CABIN1: variants seen among roughly 807,000 people sequenced by gnomAD.
The protein encoded by CABIN1 is calcineurin-binding protein cabin-1.
CABIN1 carries 133 observed loss-of-function variants against 227.7 expected under a neutral mutation model. The observed-to-expected ratio is 0.58, with a 90% CI of 0.51 to 0.67. The LOEUF is 0.67. CABIN1 is among the 30% of genes least tolerant of loss of function. The probability of loss-of-function intolerance (pLI) is 0.00; values close to 1 mark genes in which losing one functional copy is unlikely to be tolerated. For synonymous variants in CABIN1, 1,086 were observed against 1,155.1 expected (o/e 0.94, Z 1.21); for missense variants, 2,408 against 2,852.5 (o/e 0.84, Z 3.55).
At chr22:24,060,284 C>G in intron 12 of CABIN1, 143 bp downstream of exon 12, 1 of 784,786 alleles carries the variant, frequency 1.3e-6, no homozygotes, top group East Asian at 2.7e-5. Context: ...GGTGTCGAAG[C>G]AGGAAGTCAC....
chr22:24,166,825 C>A lies in CABIN1; in HGVS notation c.5194C>A (p.Pro1732Thr). The A allele has an allele frequency of 6.2e-7, 1 of 1,613,068 alleles. No homozygotes were observed. Among genetic ancestry groups the A allele is most frequent in the Middle Eastern group, 1.6e-4 (1 of 6,062 alleles). The change falls in exon 32 of 37, where the codon CCT (proline) becomes ACT (threonine). Residue 1732 changes from proline (P) to threonine (T), a missense_variant. Coordinates refer to ENST00000263119, the MANE Select transcript of CABIN1 (RefSeq NM_012295.4). The stretch of plus-strand genomic sequence containing the variant: ...CAAAGTGGGCCTCCTCAACCACCGG[C>A]CTGTGGCCATGGATGCAGGAGACAG... Reference protein sequence around the residue: ...GGKVGLLNHRPVAMDAGDSAD... With the variant: ...GGKVGLLNHRTVAMDAGDSAD...
chr22:24,047,258 C>G (rs1340681270), intron 6 of CABIN1, among the ~76,000 whole-genome samples: 2 of 152,164 alleles, frequency 1.3e-5, no homozygotes, highest in African/African-American at 4.8e-5. Context: ...TAAATTGACT[C>G]TCAGTGGCAT....
chr22:24,069,887 G>A (rs1004540064), intron 16 of CABIN1, among the ~76,000 whole-genome samples: 4 of 152,130 alleles, frequency 2.6e-5, no homozygotes, highest in African/African-American at 9.7e-5. Context: ...GGGAGGAGCC[G>A]CTGCCAGGCC....
At chr22:24,083,838 A>G (rs922674224) in intron 20 of CABIN1, among the ~76,000 whole-genome samples, 1 of 152,188 alleles carries the variant, frequency 6.6e-6, no homozygotes. Context: ...GTTTATTTCT[A>G]TTTTGGATAT....
At chr22:24,043,231 G>C (rs2037564895) in intron 6 of CABIN1, 147 bp downstream of exon 6, 1 of 607,978 alleles carries the variant, frequency 1.6e-6, no homozygotes, top group African/African-American at 1.9e-5. Context: ...TTAGATTTCT[G>C]CTTTATTCTG....
At chr22:24,088,599 C>T (rs1286916653) in intron 23 of CABIN1, among the ~76,000 whole-genome samples, 1 of 151,704 alleles carries the variant, frequency 6.6e-6, no homozygotes, top group Non-Finnish European at 1.5e-5. Flanking sequence ...CAGAGTGAGA[C>T]TCTGTCTAAA....
Position 24,172,111 on chromosome 22 carries a change from ATC to A in CABIN1, c.6040+117_6040+118del. The A allele has an allele frequency of 1.2e-5, 15 of 1,299,300 alleles. No individual in the cohort carries two copies. In the South Asian group the frequency reaches 2.0e-4, roughly 17 times the overall value. The allele number at this position is 1,299,300 out of a possible 1,614,324, so 80.5% of individuals were successfully genotyped here. A position where few individuals can be genotyped will look rare whatever the true frequency, so the allele number is the denominator to read the frequency against. On this transcript the variant is annotated intron_variant, in intron 34 of 36. Coordinates refer to ENST00000263119, the MANE Select transcript of CABIN1 (RefSeq NM_012295.4). ...CAAGCAGTGCCCTCCCGCCCAGTCG[ATC>A]CCACAGGGTGGCGGGGCAGGTGACC...
In CABIN1 at chr22:24,082,153, G is replaced by C. The variant is rs1034528109; in HGVS notation, c.2749-1075G>C. 2.1e-5 allele frequency among the ~76,000 whole-genome samples: 3 copies of C among 142,320 alleles called. No homozygotes were observed. In the Admixed American group the frequency reaches 2.2e-4, roughly 11 times the overall value. The allele number at this position is 142,320 out of a possible 152,430, so 93.4% of individuals were successfully genotyped here. ...GCCCATGCTAAGAGTGCAGTGGTAC[G>C]ATCACAGCTCACTGCAGCCTGGACC... On this transcript the variant is annotated intron_variant, in intron 19 of 36. Coordinates refer to ENST00000263119, the MANE Select transcript of CABIN1 (RefSeq NM_012295.4).
chr22:24,049,286 A>G, intron 7 of CABIN1, 66 bp downstream of exon 7: 1 of 1,582,288 alleles, frequency 6.3e-7, no homozygotes, highest in Non-Finnish European at 8.6e-7. Flanking sequence ...GGTCAGGAGC[A>G]CACCACATTC....
At chr22:24,131,590 C>G (rs2044076031) in intron 28 of CABIN1, among the ~76,000 whole-genome samples, 2 of 152,244 alleles carry the variant, frequency 1.3e-5, no homozygotes, top group Non-Finnish European at 2.9e-5. Context: ...TAGGCCCTGA[C>G]TGCCCCAGGT....
chr22:24,057,740 TAGA>T (rs1280461543), intron 10 of CABIN1, among the ~76,000 whole-genome samples: 1 of 152,212 alleles, frequency 6.6e-6, no homozygotes, highest in Non-Finnish European at 1.5e-5. Flanking sequence ...GTGAAATGCT[TAGA>T]AATAATGATT....
At chr22:24,175,779 C>A (rs1009975268) in intron 34 of CABIN1, 4 of 454,444 alleles carry the variant, frequency 8.8e-6, no homozygotes, top group South Asian at 2.2e-5. Flanking sequence ...CACTGCCCCC[C>A]CATCCCCTCT....
intron 26 of CABIN1, among the ~76,000 whole-genome samples, chr22:24,102,700 G>T (rs2042276929): frequency 6.6e-6 from 1 of 152,150 alleles, no homozygotes; most frequent in Non-Finnish European, 1.5e-5. Context: ...TCTCTTGAGG[G>T]GTTGGGGAGA....
chr22:24,090,027 G>T (rs138250649), intron 23 of CABIN1, among the ~76,000 whole-genome samples: 3 of 152,178 alleles, frequency 2.0e-5, no homozygotes, highest in African/African-American at 7.2e-5. Flanking sequence ...TCTGAGGATG[G>T]CAAGGTAGTG....
chr22:24,177,000 C>T (rs2047153739), intron 35 of CABIN1, among the ~76,000 whole-genome samples: 1 of 152,242 alleles, frequency 6.6e-6, no homozygotes, highest in Admixed American at 6.5e-5. Context: ...AGGCCTGCAA[C>T]TGGCCCAGCC....
At chr22:24,168,719 G>C (rs766942833) in intron 33 of CABIN1, among the ~76,000 whole-genome samples, 198 bp downstream of exon 33, 1 of 152,240 alleles carries the variant, frequency 6.6e-6, no homozygotes, top group East Asian at 1.9e-4. Context: ...CCAGACCCCA[G>C]TTCAGACATG....
intron 1 of CABIN1, among the ~76,000 whole-genome samples, chr22:24,027,993 G>T (rs1360725601): frequency 2.0e-5 from 3 of 151,308 alleles, no homozygotes; most frequent in African/African-American, 7.3e-5. Context: ...TGTGGGTTTG[G>T]TTCCAGACCA....
Position 24,177,694 on chromosome 22 carries a change from G to T in CABIN1, c.6396G>T (p.Met2132Ile), listed in dbSNP as rs751211082. Reference sequence around the variant, plus strand: ...CTAAGTCCCGCCCCCTGCCCAACATGCCAAAGCTGGTCATCCCCTCCGCCG... The same window carrying T: ...CTAAGTCCCGCCCCCTGCCCAACATTCCAAAGCTGGTCATCCCCTCCGCCG... ...SRAKSRPLPN[M>I]PKLVIPSAAT... is the part of the protein sequence containing the mutation. The change falls in exon 36 of 37, where the codon ATG becomes ATT. Residue 2132 changes from methionine to isoleucine, a missense_variant. Physicochemically the swap from Met to Ile is conservative, Grantham distance 10 (BLOSUM62 1). Coordinates refer to ENST00000263119, the MANE Select transcript of CABIN1 (RefSeq NM_012295.4). The surrounding 1 kb of genome is among the most constrained non-coding windows in gnomAD (Gnocchi z 4.4). The T allele has an allele frequency of 7.4e-6, 12 of 1,613,552 alleles. No individual in the cohort carries two copies. The highest frequency in any genetic ancestry group is 5.9e-6 in the Non-Finnish European group (7 of 1,179,782).
chr22:24,117,480 G>A (rs1293885374), intron 27 of CABIN1, among the ~76,000 whole-genome samples: 12 of 151,966 alleles, frequency 7.9e-5, no homozygotes, highest in Admixed American at 3.3e-4. Context: ...GATTACAGGC[G>A]TGAGCCACCA....
Sources: allele counts gnomAD v4.1 joint callset (sites outside exome capture counted in the v4.1 genomes callset), GRCh38; gene constraint gnomAD v4.1.1; non-coding constraint Gnocchi (gnomAD v3.1); transcripts MANE v1.5; gene names NCBI Gene and HGNC (gene_info 2026-07-23, HGNC 2026-07-21).